The following FARP2 variants were observed in gnomAD, a reference collection of about 807,000 sequenced individuals.
The protein encoded by FARP2 is FERM, ARH/RhoGEF and pleckstrin domain protein 2.
FARP2 carries 111 observed loss-of-function variants against 130.5 expected under a neutral mutation model. That is an observed-to-expected ratio of 0.85 (90% CI 0.73 to 1.00). The LOEUF is 1.00. Among genes scored for constraint, FARP2 ranks in the 50% least tolerant of loss-of-function variants. The pLI is 0.00. For missense variants in FARP2, 1,385 were observed against 1,346.3 expected (o/e 1.03, Z -0.45); for synonymous variants, 504 against 516.9 (o/e 0.98, Z 0.34).
chr2:241,373,021 C>T, intron 1 of FARP2, 63 bp from the exon 2 acceptor site: 3 of 916,282 alleles, frequency 3.3e-6, no homozygotes, highest in Non-Finnish European at 4.5e-6. Context: ...TGTCTTTTAC[C>T]TTGTTTTAGT....
chr2:241,371,641 G>A (rs180789036), intron 1 of FARP2, among the ~76,000 whole-genome samples: 7 of 152,254 alleles, frequency 4.6e-5, no homozygotes, highest in Admixed American at 3.9e-4. Context: ...ACAGATTAGC[G>A]GAAGACTCTG....
rs1348244962 is a variant in FARP2 at position 241,424,251 on chromosome 2, TAACA to T, written c.771+6147_771+6150del. On this transcript the variant is annotated intron_variant, in intron 8 of 26. Coordinates refer to ENST00000264042, the MANE Select transcript of FARP2 (RefSeq NM_014808.4). ...AGCAAATGCATAAGAACTGAAATCA[TAACA>T]AACAGTCTCTTACACCACAGCACAA... 1.1e-4 allele frequency among the ~76,000 whole-genome samples: 16 copies of T among 152,302 alleles called. No individual in the cohort carries two copies. The South Asian group carries it at 1.7e-3, about 16-fold the overall frequency.
chr2:241,465,749 C>G, intron 17 of FARP2: 2 of 1,550,682 alleles, frequency 1.3e-6, no homozygotes, highest in Admixed American at 2.0e-5. Context: ...GCCACAGTGA[C>G]GACGACGACT....
At chr2:241,491,713 G>T in intron 24 of FARP2, 34 bp downstream of exon 24, 1 of 1,557,690 alleles carries the variant, frequency 6.4e-7, no homozygotes. Flanking sequence ...CAGTGCATCT[G>T]GAATGTTCCC....
chr2:241,462,505 G>C lies in FARP2; in HGVS notation c.1588-18G>C, dbSNP rs1559794768. On this transcript the variant is annotated intron_variant, in intron 14 of 26. Coordinates refer to ENST00000264042, the MANE Select transcript of FARP2 (RefSeq NM_014808.4). ...CATGTCCCAGGGACGCACACTTACA[G>C]CTCTCTGCTTCTTTCAGCGCGTGCC... The C allele has an allele frequency of 1.3e-6, 2 of 1,598,394 alleles. No homozygotes were observed. The highest frequency in any genetic ancestry group is 2.2e-5 in the East Asian group (1 of 44,806).
chr2:241,424,306 A>G (rs1482528595), intron 8 of FARP2, among the ~76,000 whole-genome samples: 1 of 152,232 alleles, frequency 6.6e-6, no homozygotes, highest in African/African-American at 2.4e-5. Flanking sequence ...AGATTTAAAC[A>G]TTCACTGAAA....
At chr2:241,468,741 G>A (rs1175812376) in intron 18 of FARP2, among the ~76,000 whole-genome samples, 1 of 152,268 alleles carries the variant, frequency 6.6e-6, no homozygotes, top group African/African-American at 2.4e-5. Context: ...GGAATGGGGT[G>A]CAACCCCCAG....
At chr2:241,403,684 T>TA (rs1320660616) in intron 2 of FARP2, 144 bp from the exon 3 acceptor site, 12 of 433,246 alleles carry the variant, frequency 2.8e-5, no homozygotes, top group Non-Finnish European at 4.9e-5. Context: ...ACTTTTTTTT[T>TA]TATATATAGT....
At chr2:241,384,982 T>G (rs921190097) in intron 2 of FARP2, among the ~76,000 whole-genome samples, 2 of 152,224 alleles carry the variant, frequency 1.3e-5, no homozygotes, top group Middle Eastern at 3.2e-3. Context: ...AATTTAATTA[T>G]GAATATTAAT....
intron 2 of FARP2, among the ~76,000 whole-genome samples, chr2:241,397,758 T>C (rs1236408677): frequency 6.6e-6 from 1 of 152,130 alleles, no homozygotes; most frequent in African/African-American, 2.4e-5. Flanking sequence ...TCAGAGACTT[T>C]TGTAGAGAGG....
intron 5 of FARP2, among the ~76,000 whole-genome samples, chr2:241,410,433 CT>C (rs11369953): frequency 4.2e-4 from 60 of 143,532 alleles, no homozygotes; most frequent in Middle Eastern, 3.6e-3. Context: ...TAATTTCTTT[CT>C]TTTTTTTTTT....
At chr2:241,490,989 C>T (rs1158839269) in intron 22 of FARP2, 72 bp from the exon 23 acceptor site, 52 of 1,172,704 alleles carry the variant, frequency 4.4e-5, no homozygotes, top group Non-Finnish European at 6.3e-5. Flanking sequence ...CCTGACGGCT[C>T]GCCCTCCCTT....
chr2:241,431,970 C>T (rs1428655720), intron 9 of FARP2, among the ~76,000 whole-genome samples, 196 bp downstream of exon 9: 8 of 152,074 alleles, frequency 5.3e-5, no homozygotes, highest in South Asian at 2.1e-4. Context: ...TACAGGCATG[C>T]GCCACCACAC....
At chr2:241,453,967 G>C (rs1265039860) in intron 13 of FARP2, among the ~76,000 whole-genome samples, 4 of 150,362 alleles carry the variant, frequency 2.7e-5, no homozygotes, top group Non-Finnish European at 4.4e-5. Flanking sequence ...TATTTTTTTA[G>C]TAGAGACAGG....
intron 2 of FARP2, among the ~76,000 whole-genome samples, chr2:241,387,465 A>T (rs2090907070): frequency 6.6e-6 from 1 of 152,254 alleles, no homozygotes; most frequent in African/African-American, 2.4e-5. Flanking sequence ...ATTTCTATGC[A>T]CTAGCAATGA....
At chr2:241,471,903 T>C (rs545407499) in intron 18 of FARP2, among the ~76,000 whole-genome samples, 1 of 152,264 alleles carries the variant, frequency 6.6e-6, no homozygotes, top group Non-Finnish European at 1.5e-5. Context: ...GAGGACCATG[T>C]TCTGTGGGGA....
chr2:241,388,273 C>CT (rs2061834503), intron 2 of FARP2, among the ~76,000 whole-genome samples: 1 of 152,192 alleles, frequency 6.6e-6, no homozygotes, highest in South Asian at 2.1e-4. Context: ...CAAATAAGCC[C>CT]TTACATTTAT....
At position 241,457,014 on chromosome 2, in the gene FARP2, GC is replaced by G. The variant is rs550326036; in HGVS notation, c.1587+93del. 2.0e-5 allele frequency: 25 copies of G among 1,224,910 alleles called. No homozygotes were observed. The Admixed American group carries it at 5.8e-4, about 29-fold the overall frequency. The allele number at this position is 1,224,910 out of a possible 1,614,324, so 75.9% of individuals were successfully genotyped here. A position where few individuals can be genotyped will look rare whatever the true frequency, so the allele number is the denominator to read the frequency against. On this transcript the variant is annotated intron_variant, in intron 14 of 26. Coordinates refer to ENST00000264042, the MANE Select transcript of FARP2 (RefSeq NM_014808.4). ...GGGTGGTGCTGGTGGGGACCCTGGG[GC>G]GGGGCAGGGAAGGGCTCTGCACTCA...
chr2:241,393,140 C>T (rs1334364133), intron 2 of FARP2, among the ~76,000 whole-genome samples: 2 of 151,760 alleles, frequency 1.3e-5, no homozygotes, highest in Non-Finnish European at 2.9e-5. Flanking sequence ...CTGTCTCAGC[C>T]TTCTGAGTAG....
Sources: allele counts gnomAD v4.1 joint callset (sites outside exome capture counted in the v4.1 genomes callset), GRCh38; gene constraint gnomAD v4.1.1; transcripts MANE v1.5; gene names NCBI Gene and HGNC (gene_info 2026-07-23, HGNC 2026-07-21).